Variants in SESTD1 observed in about 807,000 individuals in gnomAD.
The protein encoded by SESTD1 is SEC14 domain and spectrin repeat-containing protein 1.
Under a neutral mutation model 101.7 loss-of-function variants are expected in SESTD1, and 43 were observed. That is an observed-to-expected ratio of 0.42 (90% confidence interval 0.33 to 0.55). The LOEUF (loss-of-function observed/expected upper bound fraction) is 0.55. SESTD1 is among the 20% of genes least tolerant of loss of function. The pLI, the probability that SESTD1 is intolerant of heterozygous loss-of-function variation, is 0.07. For missense variants in SESTD1, 647 were observed against 815.1 expected (o/e 0.79, Z 2.51); for synonymous variants, 283 against 286.8 (o/e 0.99, Z 0.13).
chr2:179,152,421 T>C (rs2045548885), intron 5 of SESTD1, among the ~76,000 whole-genome samples: 1 of 152,214 alleles, frequency 6.6e-6, no homozygotes. Flanking sequence ...CTATATGTGC[T>C]TGTTGAATCT....
chr2:179,120,097 C>T (rs551880640), intron 13 of SESTD1, among the ~76,000 whole-genome samples: 1 of 152,080 alleles, frequency 6.6e-6, no homozygotes, highest in East Asian at 1.9e-4. Context: ...GGTGCAGTGG[C>T]ACCCGCCTAT....
chr2:179,165,211 C>T (rs2045814483), intron 5 of SESTD1, among the ~76,000 whole-genome samples: 1 of 152,160 alleles, frequency 6.6e-6, no homozygotes, highest in African/African-American at 2.4e-5. Context: ...AATATCCTAG[C>T]TGAATCTCTT....
chr2:179,111,776 G>A (rs1323430533), intron 17 of SESTD1, among the ~76,000 whole-genome samples: 2 of 148,948 alleles, frequency 1.3e-5, no homozygotes, highest in Admixed American at 1.3e-4. Flanking sequence ...CTGGAGCGCA[G>A]TGGCGTGATC....
intron 1 of SESTD1, among the ~76,000 whole-genome samples, chr2:179,236,134 CAT>C (rs2047062011): frequency 6.7e-6 from 1 of 149,196 alleles, no homozygotes; most frequent in Non-Finnish European, 1.5e-5. Flanking sequence ...CAGAAGGAAC[CAT>C]GTCATTTTTA....
At chr2:179,254,346 T>C (rs967445924) in intron 1 of SESTD1, among the ~76,000 whole-genome samples, 7 of 152,118 alleles carry the variant, frequency 4.6e-5, no homozygotes, top group Admixed American at 2.0e-4. Context: ...ACCTCCTTTC[T>C]CCTTAACGCA....
chr2:179,183,233 G>T (rs2046149387), intron 2 of SESTD1, 45 bp from the exon 3 acceptor site: 1 of 1,216,830 alleles, frequency 8.2e-7, no homozygotes, highest in Non-Finnish European at 1.2e-6. Flanking sequence ...ACATATTAAG[G>T]CATAATCTGA....
chr2:179,248,444 G>C lies in SESTD1; in HGVS notation c.-26+16055C>G, dbSNP rs151270011. ...TAGTATTACCCTGATGCCAAAACTA[G>C]GCAAAGACATGAATATAAACCTAAG... On this transcript the variant is annotated intron_variant, in intron 1 of 17. Transcript: ENST00000428443. 1.3e-3 allele frequency among the ~76,000 whole-genome samples: 196 copies of C among 152,114 alleles called. 1 individual carries two copies. Among genetic ancestry groups the C allele is most frequent in the African/African-American group, 4.5e-3 (186 of 41,520 alleles).
intron 3 of SESTD1, among the ~76,000 whole-genome samples, chr2:179,181,577 A>G (rs181210569): frequency 6.6e-6 from 1 of 152,260 alleles, no homozygotes; most frequent in Non-Finnish European, 1.5e-5. Flanking sequence ...AAGTACAAAA[A>G]GGCTCTAAAT....
At position 179,109,047 on chromosome 2, in the gene SESTD1, T is replaced by C. The variant is rs536885183; in HGVS notation, c.*852A>G. 1 of 152,632 alleles carries C rather than the reference T, an allele frequency of 6.6e-6. No homozygotes were observed. Among genetic ancestry groups the C allele is most frequent in the South Asian group, 2.1e-4 (1 of 4,824 alleles). 9.5% of individuals were successfully genotyped at this position (152,632 alleles called of 1,614,324 possible). ...GTAGTTAATAATTTTGAGAATATTTTTCAAGTTGAAAAAGAGAAAAATTAG... is the reference window on the plus strand; with the variant it reads ...GTAGTTAATAATTTTGAGAATATTTCTCAAGTTGAAAAAGAGAAAAATTAG... On this transcript the variant is annotated 3_prime_UTR_variant, in exon 18 of 18. Transcript: ENST00000428443.
At chr2:179,188,201 T>TA (rs957911722) in intron 2 of SESTD1, among the ~76,000 whole-genome samples, 12 of 151,852 alleles carry the variant, frequency 7.9e-5, no homozygotes, top group African/African-American at 2.2e-4. Flanking sequence ...TCTTGATAAA[T>TA]AAAAAAAACT....
At chr2:179,189,347 A>G (rs1023492693) in intron 2 of SESTD1, among the ~76,000 whole-genome samples, 3 of 152,222 alleles carry the variant, frequency 2.0e-5, no homozygotes, top group Non-Finnish European at 4.4e-5. Flanking sequence ...GATGCAGAAA[A>G]AGCCTTTGAT....
intron 1 of SESTD1, among the ~76,000 whole-genome samples, chr2:179,247,568 G>C (rs1294031610): frequency 1.3e-5 from 2 of 151,486 alleles, no homozygotes; most frequent in African/African-American, 4.9e-5. Context: ...AGGACTACAG[G>C]CATGTACCAC....
At chr2:179,122,662 G>T (rs567054462) in intron 12 of SESTD1, among the ~76,000 whole-genome samples, 1 of 152,284 alleles carries the variant, frequency 6.6e-6, no homozygotes, top group East Asian at 1.9e-4. Flanking sequence ...GGCTGAGGTG[G>T]GCAGATCACC....
chr2:179,126,738 G>A (rs762760682), intron 10 of SESTD1, among the ~76,000 whole-genome samples: 1 of 151,918 alleles, frequency 6.6e-6, no homozygotes, highest in Non-Finnish European at 1.5e-5. Flanking sequence ...CCTTCATCTG[G>A]ATGACTACTA....
At chr2:179,220,245 G>A (rs1410552324) in intron 1 of SESTD1, among the ~76,000 whole-genome samples, 1 of 151,968 alleles carries the variant, frequency 6.6e-6, no homozygotes, top group Non-Finnish European at 1.5e-5. Flanking sequence ...CTTATCAACA[G>A]CAAACCTCCA....
chr2:179,150,350 A>T (rs76010047), intron 6 of SESTD1, among the ~76,000 whole-genome samples: 2 of 144,692 alleles, frequency 1.4e-5, no homozygotes, highest in Admixed American at 1.4e-4. Flanking sequence ...GTAGTTCAAT[A>T]AAAAAAAAAA....
At chr2:179,263,750 G>C (rs2047515712) in intron 1 of SESTD1, among the ~76,000 whole-genome samples, 1 of 152,214 alleles carries the variant, frequency 6.6e-6, no homozygotes, top group Admixed American at 6.5e-5. Flanking sequence ...ACCCTCAAGA[G>C]CTGGTCAGAC....
chr2:179,250,569 C>T (rs1048778978), intron 1 of SESTD1, among the ~76,000 whole-genome samples: 1 of 152,182 alleles, frequency 6.6e-6, no homozygotes, highest in African/African-American at 2.4e-5. Flanking sequence ...TGCCTTTTCT[C>T]TGTGCCCTTT....
intron 2 of SESTD1, among the ~76,000 whole-genome samples, chr2:179,186,487 T>C (rs1340553241): frequency 6.6e-6 from 1 of 152,020 alleles, no homozygotes; most frequent in Non-Finnish European, 1.5e-5. Context: ...CAGAGGAAGA[T>C]GGAAGAAAAA....
Sources: allele counts gnomAD v4.1 joint callset (sites outside exome capture counted in the v4.1 genomes callset), GRCh38; gene constraint gnomAD v4.1.1; transcripts MANE v1.5; gene names NCBI Gene and HGNC (gene_info 2026-07-23, HGNC 2026-07-21).